The following ROBO1 variants were observed in gnomAD, a reference collection of about 807,000 sequenced individuals.
The protein encoded by ROBO1 is roundabout guidance receptor 1.
ROBO1 carries 149 observed loss-of-function variants against 195.9 expected under a neutral mutation model. The observed-to-expected ratio is 0.76, with a 90% CI of 0.67 to 0.87. The LOEUF (loss-of-function observed/expected upper bound fraction) is 0.87. ROBO1 is among the 40% of genes least tolerant of loss of function. The probability of loss-of-function intolerance (pLI) is 0.00; values close to 1 mark genes in which losing one functional copy is unlikely to be tolerated. For synonymous variants in ROBO1, 816 were observed against 733.2 expected, an observed-to-expected ratio of 1.11 and a Z score of -1.82; for missense variants, 1,933 against 2,068.3, an observed-to-expected ratio of 0.93 and a Z score of 1.27.
rs1012093162 is a variant in ROBO1 at position 78,881,100 on chromosome 3, G to A, written c.499+57501C>T. ...GCGGGGATGCTGCTTATTCAGCTCA[G>A]TAGTGGTTGCCAGTAGAGGCTCAAT... On this transcript the variant is annotated intron_variant, in intron 4 of 30. Coordinates refer to ENST00000464233, the MANE Select transcript of ROBO1 (RefSeq NM_002941.4). Among the ~76,000 whole-genome samples, 21 of 152,298 alleles carry A rather than the reference G, an allele frequency of 1.4e-4. 1 individual carries two copies. The highest frequency in any genetic ancestry group is 1.4e-3 in the East Asian group (7 of 5,180).
At chr3:79,105,035 A>C (rs931195587) in intron 3 of ROBO1, among the ~76,000 whole-genome samples, 5 of 151,776 alleles carry the variant, frequency 3.3e-5, no homozygotes, top group African/African-American at 4.8e-5. Flanking sequence ...GATGTATTAA[A>C]AACTGAAATG....
intron 2 of ROBO1, among the ~76,000 whole-genome samples, chr3:79,175,537 T>G (rs2081249693): frequency 6.6e-6 from 1 of 152,238 alleles, no homozygotes; most frequent in African/African-American, 2.4e-5. Context: ...AAACTTTCCT[T>G]GAGTTTATCT....
rs537997451 is a variant in ROBO1, at chr3:79,656,251, T to A, written c.-50-66290A>T. ...TAGTGGTATTTTTGCTTTTTTTTTT[T>A]AAATTTAAACACATGTAAAGTCTGT... On this transcript the variant is annotated intron_variant, in intron 1 of 30. Transcript: ENST00000464233. 1.3e-3 allele frequency among the ~76,000 whole-genome samples: 204 copies of A among 151,914 alleles called. 1 individual carries two copies. The East Asian group carries it at 0.015, about 11-fold the overall frequency.
chr3:79,080,471 TA>T (rs895479672), intron 3 of ROBO1, among the ~76,000 whole-genome samples: 5 of 151,858 alleles, frequency 3.3e-5, no homozygotes, highest in African/African-American at 9.7e-5. Flanking sequence ...TTCTTTCAAT[TA>T]AAAAAAACTA....
Position 79,631,548 on chromosome 3 carries a change from G to T in ROBO1, c.-50-41587C>A, listed in dbSNP as rs540568413. Among the ~76,000 whole-genome samples, 82 of 152,002 alleles carry T rather than the reference G, an allele frequency of 5.4e-4. 1 individual carries two copies. Among genetic ancestry groups the T allele is most frequent in the Admixed American group, 1.4e-3 (21 of 15,246 alleles). ...TATAAAAATCTTAGAAGAAACCCTG[G>T]AAAAAACTCTTCTGGACATGGACCC... On this transcript the variant is annotated intron_variant, in intron 1 of 30. Transcript: ENST00000464233.
intron 4 of ROBO1, among the ~76,000 whole-genome samples, chr3:78,873,413 A>C (rs1038068707): frequency 6.6e-6 from 1 of 152,192 alleles, no homozygotes; most frequent in African/African-American, 2.4e-5. Flanking sequence ...AATTCTGTCT[A>C]TGAATTGAAA....
chr3:79,331,667 G>A (rs1287157786), intron 2 of ROBO1, among the ~76,000 whole-genome samples: 1 of 151,998 alleles, frequency 6.6e-6, no homozygotes, highest in Non-Finnish European at 1.5e-5. Flanking sequence ...GAAAAAAAGT[G>A]TGTCAAATAA....
At chr3:78,688,361 G>A (rs1376911643) in intron 9 of ROBO1, among the ~76,000 whole-genome samples, 2 of 152,074 alleles carry the variant, frequency 1.3e-5, no homozygotes, top group East Asian at 1.9e-4. Context: ...AAATAATGTT[G>A]AGAAAATAGT....
chr3:79,699,680 C>T (rs1288915193), intron 1 of ROBO1, among the ~76,000 whole-genome samples: 1 of 151,152 alleles, frequency 6.6e-6, no homozygotes, highest in Non-Finnish European at 1.5e-5. Context: ...TTATAGAGCT[C>T]ACAGTTTTTA....
intron 1 of ROBO1, among the ~76,000 whole-genome samples, chr3:79,603,753 G>C (rs1944405443): frequency 6.6e-6 from 1 of 152,022 alleles, no homozygotes; most frequent in Non-Finnish European, 1.5e-5. Context: ...CAACTAAAAT[G>C]ATTGGAGGTA....
At chr3:79,074,384 T>A (rs1037330236) in intron 3 of ROBO1, among the ~76,000 whole-genome samples, 1 of 151,940 alleles carries the variant, frequency 6.6e-6, no homozygotes, top group Non-Finnish European at 1.5e-5. Flanking sequence ...GTTAATAAGT[T>A]TGGTTTATCA....
rs375059764 is a variant in ROBO1 at position 78,612,483 on chromosome 3, G to A, written c.4435+2165C>T. Among the ~76,000 whole-genome samples, 21 of 152,126 alleles carry A rather than the reference G, an allele frequency of 1.4e-4. 1 individual carries two copies. Among genetic ancestry groups the A allele is most frequent in the African/African-American group, 4.6e-4 (19 of 41,506 alleles). On this transcript the variant is annotated intron_variant, in intron 28 of 30. Coordinates refer to ENST00000464233, the MANE Select transcript of ROBO1 (RefSeq NM_002941.4). ...GTAGTACTTTGGGAAAATAATTTCC[G>A]AAAAAATGGCTTTTGTCTCTACGTC...
intron 2 of ROBO1, among the ~76,000 whole-genome samples, chr3:79,288,093 A>T (rs555021917): frequency 6.6e-6 from 1 of 152,278 alleles, no homozygotes; most frequent in East Asian, 1.9e-4. Flanking sequence ...AAGATTCCTA[A>T]GTATTTTCCC....
intron 3 of ROBO1, among the ~76,000 whole-genome samples, chr3:79,058,360 A>C (rs2078851882): frequency 6.6e-6 from 1 of 152,058 alleles, no homozygotes; most frequent in African/African-American, 2.4e-5. Context: ...GGTTCATCTC[A>C]GTCTTTCCCT....
chr3:79,744,299 A>G (rs540877147), intron 1 of ROBO1, among the ~76,000 whole-genome samples: 2 of 152,310 alleles, frequency 1.3e-5, no homozygotes, highest in Non-Finnish European at 2.9e-5. Flanking sequence ...GCATGACTGT[A>G]TATAAATATG....
At chr3:79,395,338 A>G (rs2037114787) in intron 2 of ROBO1, among the ~76,000 whole-genome samples, 1 of 148,100 alleles carries the variant, frequency 6.8e-6, no homozygotes, top group African/African-American at 2.5e-5. Flanking sequence ...AAAAAAAAAA[A>G]AAAAAGAAAG....
At chr3:78,679,850 C>T (rs901354475) in intron 10 of ROBO1, among the ~76,000 whole-genome samples, 28 of 151,876 alleles carry the variant, frequency 1.8e-4, no homozygotes, top group Non-Finnish European at 3.2e-4. Context: ...TCATATGGAA[C>T]CAAAAAAGAG....
At chr3:79,672,905 A>G (rs899908341) in intron 1 of ROBO1, among the ~76,000 whole-genome samples, 3 of 151,938 alleles carry the variant, frequency 2.0e-5, no homozygotes, top group African/African-American at 7.2e-5. Flanking sequence ...GGATGCCAAG[A>G]TGTGGAAGCT....
intron 4 of ROBO1, among the ~76,000 whole-genome samples, chr3:78,767,842 G>A (rs2083268938): frequency 6.6e-6 from 1 of 151,948 alleles, no homozygotes; most frequent in Non-Finnish European, 1.5e-5. Flanking sequence ...ATTGCTAATG[G>A]TCTATCGATT....
Sources: gnomAD v4.1 joint callset for allele counts (sites outside exome capture counted in the v4.1 genomes callset) on GRCh38, gnomAD v4.1.1 for gene constraint, MANE v1.5 for transcripts, NCBI Gene and HGNC (gene_info 2026-07-23, HGNC 2026-07-21) for gene names.